Variants in C8orf74 observed in about 807,000 individuals in gnomAD.
C8orf74 encodes chromosome 8 open reading frame 74.
C8orf74 carries 29 observed loss-of-function variants against 22.2 expected under a neutral mutation model. That is an observed-to-expected ratio of 1.31 (90% CI 0.97 to 1.78). C8orf74 has a LOEUF of 1.78. C8orf74 is among the 40% of genes most tolerant of loss of function. The pLI is 0.00. For missense variants in C8orf74, 515 were observed against 369.9 expected (o/e 1.39, Z -3.22); for synonymous variants, 255 against 163.1 (o/e 1.56, Z -4.30).
chr8:10,697,542 G>A (rs1465969842), intron 2 of C8orf74, 57 bp from the exon 3 acceptor site: 2 of 1,528,506 alleles, frequency 1.3e-6, no homozygotes, highest in South Asian at 1.2e-5. Flanking sequence ...CACATCCACT[G>A]CCTGGCAGGG....
intron 1 of C8orf74, among the ~76,000 whole-genome samples, chr8:10,674,274 T>C (rs1184985837): frequency 2.0e-5 from 2 of 98,728 alleles, no homozygotes; most frequent in Non-Finnish European, 2.0e-5. Flanking sequence ...GCAGCCCCCA[T>C]ATCACACCCC....
At chr8:10,697,107 A>C (rs1263434148) in intron 2 of C8orf74, among the ~76,000 whole-genome samples, 2 of 152,206 alleles carry the variant, frequency 1.3e-5, no homozygotes, top group Non-Finnish European at 2.9e-5. Context: ...GAAACGTGGT[A>C]CACTCGATAC....
chr8:10,695,656 G>C (rs1297892750), intron 2 of C8orf74, among the ~76,000 whole-genome samples: 1 of 152,200 alleles, frequency 6.6e-6, no homozygotes, highest in Non-Finnish European at 1.5e-5. Flanking sequence ...AAGGGAATGG[G>C]GGGTGGGGAG....
intron 2 of C8orf74, among the ~76,000 whole-genome samples, chr8:10,677,434 T>C (rs879049723): frequency 5.9e-5 from 9 of 152,244 alleles, no homozygotes; most frequent in Non-Finnish European, 8.8e-5. Flanking sequence ...TTCTGCTACA[T>C]ACATTTATCT....
intron 3 of C8orf74, among the ~76,000 whole-genome samples, chr8:10,699,438 T>C (rs1799605287): frequency 6.6e-6 from 1 of 152,256 alleles, no homozygotes; most frequent in African/African-American, 2.4e-5. Context: ...TTGCATATCT[T>C]TTAAGTGAAT....
rs752412943 is a variant in C8orf74, at chr8:10,697,707, C to T, written c.350C>T (p.Thr117Ile). Residue 117 changes from threonine to isoleucine, a missense_variant, in exon 3 of 4, where the codon ACC (threonine) becomes ATC (isoleucine). Thr to Ile is a moderately conservative substitution (Grantham distance 89, BLOSUM62 -1). Transcript: ENST00000304519. The stretch of plus-strand genomic sequence containing the variant: ...GCCCTCTGTGACTACTTCCACCACA[C>T]CTTCATCCGCCACTACAAACTCTAC... ...LLALCDYFHH[T>I]FIRHYKLYQY... 8 of 1,614,024 alleles carry T rather than the reference C, an allele frequency of 5.0e-6. No homozygotes were observed. In the East Asian group the frequency reaches 8.9e-5, roughly 18 times the overall value.
intron 3 of C8orf74, among the ~76,000 whole-genome samples, chr8:10,698,506 C>T (rs1486165406): frequency 1.1e-4 from 16 of 152,070 alleles, no homozygotes; most frequent in Non-Finnish European, 1.5e-5. Flanking sequence ...CCAGGGAGGA[C>T]TTAGGAGGAT....
intron 2 of C8orf74, among the ~76,000 whole-genome samples, chr8:10,677,248 C>A (rs763257954): frequency 6.6e-6 from 1 of 152,184 alleles, no homozygotes; most frequent in Non-Finnish European, 1.5e-5. Flanking sequence ...CCTACAGCTG[C>A]CTTCCGCCCC....
intron 3 of C8orf74, among the ~76,000 whole-genome samples, chr8:10,698,620 T>C (rs1799583417): frequency 6.6e-6 from 1 of 152,136 alleles, no homozygotes; most frequent in African/African-American, 2.4e-5. Context: ...TCAATGACCA[T>C]GACGACCCCA....
intron 2 of C8orf74, among the ~76,000 whole-genome samples, chr8:10,694,634 T>C (rs937374801): frequency 1.3e-5 from 2 of 152,246 alleles, no homozygotes; most frequent in African/African-American, 4.8e-5. Context: ...TATTTAACCT[T>C]TTATTTGTAG....
chr8:10,697,394 T>C (rs897001720), intron 2 of C8orf74, among the ~76,000 whole-genome samples: 3 of 151,914 alleles, frequency 2.0e-5, no homozygotes, highest in Admixed American at 2.0e-4. Flanking sequence ...GCAGCTGCAG[T>C]GAGCTACGAT....
intron 2 of C8orf74, chr8:10,688,878 G>A (rs546194100): frequency 3.3e-5 from 5 of 152,310 alleles, no homozygotes; most frequent in East Asian, 3.9e-4. Context: ...CACGGACCCC[G>A]GGACAGGCAG....
chr8:10,679,385 T>G (rs1799100120), intron 2 of C8orf74, among the ~76,000 whole-genome samples: 1 of 152,176 alleles, frequency 6.6e-6, no homozygotes, highest in Non-Finnish European at 1.5e-5. Context: ...GTATCGCTCG[T>G]GGAAATCACA....
chr8:10,700,380 T>TCCC lies in C8orf74; in HGVS notation c.795_797dup (p.Pro268dup). The TCCC allele has an allele frequency of 1.0e-6, 1 of 1,001,086 alleles. No homozygotes were observed. Among genetic ancestry groups the TCCC allele is most frequent in the Non-Finnish European group, 1.5e-6 (1 of 678,984 alleles). 62.0% of individuals were successfully genotyped at this position (1,001,086 alleles called of 1,614,324 possible). ...CTGAACCTCAACGCCCCCACCCCTA[T>TCCC]CCCGCCCCCCATCACCAGCCACGCA... On this transcript the variant is annotated inframe_insertion, in exon 4 of 4. Coordinates refer to ENST00000304519, the MANE Select transcript of C8orf74 (RefSeq NM_001040032.2).
chr8:10,674,849 T>A lies in C8orf74; in HGVS notation c.241+11T>A, dbSNP rs1331455197. ...TAAGGGAAACCAAAGGTATGGTGTG[T>A]CCAGGGCAGGAGTCAGCAGAGGCTG... On this transcript the variant is annotated intron_variant, in intron 2 of 3. Transcript: ENST00000304519. 21 of 1,579,140 alleles carry A rather than the reference T, an allele frequency of 1.3e-5. No homozygotes were observed. The highest frequency in any genetic ancestry group is 1.8e-5 in the Non-Finnish European group (21 of 1,162,222).
At chr8:10,680,523 G>T (rs1003803830) in intron 2 of C8orf74, among the ~76,000 whole-genome samples, 1 of 152,202 alleles carries the variant, frequency 6.6e-6, no homozygotes, top group Non-Finnish European at 1.5e-5. Context: ...TGCAGCCATG[G>T]TTCAGGGCAA....
chr8:10,686,786 G>C, intron 2 of C8orf74: 1 of 170,724 alleles, frequency 5.9e-6, no homozygotes, highest in Non-Finnish European at 1.3e-5. Context: ...ACCCACAATA[G>C]TGGGGAGAAA....
intron 1 of C8orf74, among the ~76,000 whole-genome samples, chr8:10,673,017 G>C (rs906749830): frequency 5.3e-5 from 8 of 152,176 alleles, no homozygotes; most frequent in Non-Finnish European, 1.2e-4. Context: ...GCCACTGTGT[G>C]CAGGGAGTGT....
intron 2 of C8orf74, among the ~76,000 whole-genome samples, chr8:10,683,425 G>A (rs1563158029): frequency 6.6e-6 from 1 of 152,186 alleles, no homozygotes; most frequent in African/African-American, 2.4e-5. Context: ...TGGACTTACT[G>A]GTCAGCCTTG....
Sources: allele counts gnomAD v4.1 joint callset (sites outside exome capture counted in the v4.1 genomes callset), GRCh38; gene constraint gnomAD v4.1.1; transcripts MANE v1.5; gene names NCBI Gene and HGNC (gene_info 2026-07-23, HGNC 2026-07-21).